B3GAT2: variants seen among roughly 807,000 people sequenced by gnomAD.
B3GAT2 encodes beta-1,3-glucuronyltransferase 2, also known as galactosylgalactosylxylosylprotein 3-beta-glucuronosyltransferase 2.
B3GAT2 carries 26 observed loss-of-function variants against 27.8 expected under a neutral mutation model. That is an observed-to-expected ratio of 0.93 (90% CI 0.68 to 1.30). B3GAT2 has a LOEUF of 1.30. B3GAT2 is among the 50% of genes most tolerant of loss of function. B3GAT2 has a pLI of 0.00. For missense variants in B3GAT2, 458 were observed against 459.0 expected, an observed-to-expected ratio of 1.00 and a Z score of 0.02; for synonymous variants, 218 against 195.1, an observed-to-expected ratio of 1.12 and a Z score of -0.98.
rs940593240 is a variant in B3GAT2 at position 70,859,587 on chromosome 6, T to G, written c.*2076A>C. ...CTCACTATATGGTAAATCTTGCCTT[T>G]CCTTCTCTTATCACCAATTTTGGAA... On this transcript the variant is annotated 3_prime_UTR_variant, in exon 4 of 4. Coordinates refer to ENST00000230053, the MANE Select transcript of B3GAT2 (RefSeq NM_080742.3). 3.5e-5 allele frequency: 15 copies of G among 425,862 alleles called. No individual in the cohort carries two copies. The highest frequency in any genetic ancestry group is 4.1e-5 in the Non-Finnish European group (10 of 242,884). 26.4% of individuals were successfully genotyped at this position (425,862 alleles called of 1,614,324 possible).
chr6:70,886,922 C>T (rs1772197835), intron 2 of B3GAT2, among the ~76,000 whole-genome samples: 1 of 152,184 alleles, frequency 6.6e-6, no homozygotes, highest in African/African-American at 2.4e-5. Flanking sequence ...CTGGCAGCTG[C>T]AGTCCTCTCC....
chr6:70,866,687 C>T (rs1476385181), intron 2 of B3GAT2, among the ~76,000 whole-genome samples: 1 of 151,994 alleles, frequency 6.6e-6, no homozygotes, highest in African/African-American at 2.4e-5. Flanking sequence ...TACAGAGTCA[C>T]AGGAACAGAG....
intron 1 of B3GAT2, among the ~76,000 whole-genome samples, chr6:70,922,011 T>C (rs1440424810): frequency 6.6e-6 from 1 of 152,072 alleles, no homozygotes; most frequent in African/African-American, 2.4e-5. Context: ...AGTACTCTGA[T>C]GGGGGTGCTG....
At chr6:70,918,399 A>G (rs1772810920) in intron 1 of B3GAT2, among the ~76,000 whole-genome samples, 1 of 152,130 alleles carries the variant, frequency 6.6e-6, no homozygotes. Context: ...CTTACATTGA[A>G]GGTTAATATT....
chr6:70,932,990 G>A (rs1773084378), intron 1 of B3GAT2, among the ~76,000 whole-genome samples: 1 of 152,134 alleles, frequency 6.6e-6, no homozygotes, highest in South Asian at 2.1e-4. Flanking sequence ...TGTAGAGTTG[G>A]GGTCTCATGA....
chr6:70,905,647 C>T (rs1772589368), intron 1 of B3GAT2, among the ~76,000 whole-genome samples: 1 of 152,036 alleles, frequency 6.6e-6, no homozygotes, highest in South Asian at 2.1e-4. Flanking sequence ...GCAGTGTGTC[C>T]AACAGGTAAC....
At chr6:70,864,535 C>T (rs1771818333) in intron 2 of B3GAT2, among the ~76,000 whole-genome samples, 1 of 152,210 alleles carries the variant, frequency 6.6e-6, no homozygotes, top group African/African-American at 2.4e-5. Flanking sequence ...AAGTGTTTTT[C>T]TATTCTCTAA....
intron 1 of B3GAT2, among the ~76,000 whole-genome samples, chr6:70,940,912 A>G (rs1294463644): frequency 1.3e-5 from 2 of 152,112 alleles, no homozygotes; most frequent in Admixed American, 6.6e-5. Flanking sequence ...ATGTAAGTCA[A>G]CTTCCTAGCT....
At chr6:70,870,397 G>T (rs866273382) in intron 2 of B3GAT2, among the ~76,000 whole-genome samples, 68 of 117,036 alleles carry the variant, frequency 5.8e-4, no homozygotes, top group African/African-American at 1.9e-3. Context: ...GTTGTGGGGT[G>T]GGGGGAGGGG....
intron 1 of B3GAT2, among the ~76,000 whole-genome samples, chr6:70,916,238 G>T (rs1011537056): frequency 1.3e-5 from 2 of 152,128 alleles, no homozygotes; most frequent in Middle Eastern, 3.4e-3. Context: ...TGTGATTTTT[G>T]TACATTGATT....
rs546175470 is a variant in B3GAT2, at chr6:70,931,069, C to G, written c.591+24770G>C. On this transcript the variant is annotated intron_variant, in intron 1 of 3. Coordinates refer to ENST00000230053, the MANE Select transcript of B3GAT2 (RefSeq NM_080742.3). ...TGAAGCTGGAAACCATCATTCTGAG[C>G]AAACTATCTCAAGCACAGAAAACCA... 4.3e-4 allele frequency among the ~76,000 whole-genome samples: 65 copies of G among 152,130 alleles called. 1 individual carries two copies. The South Asian group carries it at 0.013, about 31-fold the overall frequency.
chr6:70,887,166 G>T (rs899747441), intron 2 of B3GAT2, among the ~76,000 whole-genome samples: 17 of 152,222 alleles, frequency 1.1e-4, no homozygotes, highest in Middle Eastern at 3.2e-3. Context: ...TATTCATGAA[G>T]CAAAGCAAAA....
intron 1 of B3GAT2, among the ~76,000 whole-genome samples, chr6:70,938,023 TCTC>T (rs1417249684): frequency 1.3e-5 from 2 of 151,062 alleles, no homozygotes; most frequent in African/African-American, 2.4e-5. Flanking sequence ...CAGCCAAAAA[TCTC>T]CTTAAGCTGA....
chr6:70,945,017 CTGTT>C (rs1446652655), intron 1 of B3GAT2, among the ~76,000 whole-genome samples: 4 of 152,192 alleles, frequency 2.6e-5, no homozygotes, highest in African/African-American at 9.7e-5. Flanking sequence ...AGGGTCCTGT[CTGTT>C]AGAAGGAAAA....
chr6:70,857,922 G>T lies in B3GAT2; in HGVS notation c.*3741C>A. On this transcript the variant is annotated 3_prime_UTR_variant, in exon 4 of 4. Coordinates refer to ENST00000230053, the MANE Select transcript of B3GAT2 (RefSeq NM_080742.3). Reference sequence around the variant, plus strand: ...CATTCATTTTCTTTTTGTGGTGCAGGTGTATTTATGGGACCCACAAATATA... The same window carrying T: ...CATTCATTTTCTTTTTGTGGTGCAGTTGTATTTATGGGACCCACAAATATA... The T allele has an allele frequency of 3.7e-6, 6 of 1,613,504 alleles. No homozygotes were observed. Among genetic ancestry groups the T allele is most frequent in the Non-Finnish European group, 3.4e-6 (4 of 1,179,650 alleles).
intron 2 of B3GAT2, 54 bp from the exon 3 acceptor site, chr6:70,862,032 T>C: frequency 6.7e-7 from 1 of 1,493,272 alleles, no homozygotes; most frequent in Non-Finnish European, 8.9e-7. Context: ...TGTACTTCTC[T>C]TTTTTTCTGT....
At chr6:70,897,317 TC>T (rs1772404706) in intron 1 of B3GAT2, among the ~76,000 whole-genome samples, 2 of 152,362 alleles carry the variant, frequency 1.3e-5, no homozygotes, top group South Asian at 4.1e-4. Flanking sequence ...AAATATTTTC[TC>T]CCACTCCGTG....
intron 1 of B3GAT2, among the ~76,000 whole-genome samples, chr6:70,916,055 T>C (rs1448508844): frequency 6.6e-6 from 1 of 152,150 alleles, no homozygotes; most frequent in African/African-American, 2.4e-5. Flanking sequence ...TTCCATTTGT[T>C]TGTATCCTCT....
intron 2 of B3GAT2, among the ~76,000 whole-genome samples, chr6:70,871,826 G>A (rs530141814): frequency 8.6e-5 from 13 of 151,584 alleles, no homozygotes; most frequent in Middle Eastern, 3.2e-3. Flanking sequence ...TTTTAATGGA[G>A]GTATGTGAAG....
Sources: gnomAD v4.1 joint callset for allele counts (sites outside exome capture counted in the v4.1 genomes callset) on GRCh38, gnomAD v4.1.1 for gene constraint, MANE v1.5 for transcripts, NCBI Gene and HGNC (gene_info 2026-07-23, HGNC 2026-07-21) for gene names.